BCO1: variants seen among roughly 807,000 people sequenced by gnomAD.
BCO1 encodes beta,beta-carotene 15,15'-dioxygenase.
A neutral mutation model predicts 56.3 loss-of-function variants in BCO1; 54 were observed. The observed-to-expected ratio is 0.96, with a 90% confidence interval of 0.77 to 1.20. The LOEUF is 1.20. BCO1 is among the 50% of genes most tolerant of loss of function. BCO1 has a pLI of 0.00. For missense variants in BCO1, 801 were observed against 690.9 expected (o/e 1.16, Z -1.79); for synonymous variants, 318 against 266.1 (o/e 1.20, Z -1.90).
At chr16:81,249,251 T>C (rs1286280202) in intron 2 of BCO1, among the ~76,000 whole-genome samples, 1 of 151,578 alleles carries the variant, frequency 6.6e-6, no homozygotes, top group East Asian at 1.9e-4. Flanking sequence ...CCACCACATC[T>C]GGCTAGTTTT....
chr16:81,246,260 G>A (rs74746588), intron 2 of BCO1, among the ~76,000 whole-genome samples: 4,906 of 151,922 alleles, frequency 0.032, 104 homozygotes, highest in African/African-American at 0.069. Flanking sequence ...TGATTACATT[G>A]AATCCACTCA....
intron 7 of BCO1, among the ~76,000 whole-genome samples, chr16:81,272,975 T>C (rs1179168004): frequency 6.6e-6 from 1 of 151,898 alleles, no homozygotes; most frequent in Non-Finnish European, 1.5e-5. Context: ...CCATTTTTTT[T>C]TTCTTTTTGT....
intron 5 of BCO1, among the ~76,000 whole-genome samples, chr16:81,267,327 T>C (rs928242800): frequency 4.6e-5 from 7 of 152,044 alleles, no homozygotes; most frequent in African/African-American, 1.7e-4. Context: ...AAACCCCTAA[T>C]TATGGCCGGG....
At chr16:81,250,745 T>TG (rs1185056697) in intron 2 of BCO1, among the ~76,000 whole-genome samples, 2 of 152,026 alleles carry the variant, frequency 1.3e-5, no homozygotes, top group African/African-American at 4.8e-5. Context: ...CATGCCCAGC[T>TG]AATTTTTGTA....
At chr16:81,280,494 C>T (rs1456048893) in intron 7 of BCO1, among the ~76,000 whole-genome samples, 1 of 152,076 alleles carries the variant, frequency 6.6e-6, no homozygotes, top group Admixed American at 6.6e-5. Context: ...TCTTTAGAAG[C>T]ATCCTTTTAA....
In BCO1 at chr16:81,238,796, G is replaced by A. The variant is rs1360466141; in HGVS notation, c.-113G>A. On this transcript the variant is annotated 5_prime_UTR_variant, in exon 1 of 11. Coordinates refer to ENST00000258168, the MANE Select transcript of BCO1 (RefSeq NM_017429.3). ...TCAGGAGAGACAGAGATGTGAAGGA[G>A]GGAAGGAGCAGGAGAGCAGGAAGGA... The A allele has an allele frequency of 3.3e-6, 3 of 916,374 alleles. No individual in the cohort carries two copies. The highest frequency in any genetic ancestry group is 3.3e-5 in the African/African-American group (2 of 61,184). 56.8% of individuals were successfully genotyped at this position (916,374 alleles called of 1,614,324 possible).
chr16:81,252,241 G>A (rs1905852612), intron 2 of BCO1, among the ~76,000 whole-genome samples: 1 of 151,776 alleles, frequency 6.6e-6, no homozygotes, highest in Non-Finnish European at 1.5e-5. Context: ...GTGTGTGGGT[G>A]TGTGTTTTTG....
intron 8 of BCO1, among the ~76,000 whole-genome samples, chr16:81,283,306 G>T (rs949093841): frequency 6.6e-6 from 1 of 151,796 alleles, no homozygotes; most frequent in African/African-American, 2.4e-5. Flanking sequence ...CAGGCGCAAT[G>T]GCAATTACAG....
chr16:81,259,879 G>T lies in BCO1; in HGVS notation c.323+74G>T. ...TTGATGGCTGAAATAACCAGCATTT[G>T]CTCCTCTGACAATTCTCTTTAGGGT... On this transcript the variant is annotated intron_variant, in intron 3 of 10. Transcript: ENST00000258168. The T allele has an allele frequency of 4.4e-6, 7 of 1,578,998 alleles. No homozygotes were observed. In the Admixed American group the frequency reaches 5.0e-5, roughly 11 times the overall value.
chr16:81,273,139 TTTTG>T (rs757080827), intron 7 of BCO1, among the ~76,000 whole-genome samples: 1 of 152,078 alleles, frequency 6.6e-6, no homozygotes, highest in African/African-American at 2.4e-5. Flanking sequence ...ACAGCTCATT[TTTTG>T]TTTGTTTGTT....
intron 3 of BCO1, 28 bp downstream of exon 3, chr16:81,259,833 ATT>A (rs1555555696): frequency 1.9e-6 from 3 of 1,613,866 alleles, no homozygotes; most frequent in Non-Finnish European, 2.5e-6. Context: ...ATCTGAGCAA[ATT>A]TCATGCTTTT....
chr16:81,279,007 T>G (rs1046263227), intron 7 of BCO1, among the ~76,000 whole-genome samples: 3 of 152,206 alleles, frequency 2.0e-5, no homozygotes, highest in Admixed American at 6.6e-5. Flanking sequence ...CCAGGTGTAC[T>G]GGCTCATGCT....
At chr16:81,240,133 A>C (rs571669513) in intron 1 of BCO1, among the ~76,000 whole-genome samples, 60 of 152,138 alleles carry the variant, frequency 3.9e-4, no homozygotes, top group Non-Finnish European at 6.5e-4. Context: ...TATAGCTATC[A>C]ATCTGTATAT....
intron 7 of BCO1, among the ~76,000 whole-genome samples, chr16:81,275,862 G>A (rs1312089565): frequency 3.3e-5 from 5 of 152,216 alleles, no homozygotes; most frequent in Non-Finnish European, 5.9e-5. Context: ...GGGCACCGTG[G>A]GCCTGTTTAC....
intron 2 of BCO1, among the ~76,000 whole-genome samples, chr16:81,255,287 C>T (rs559632713): frequency 4.5e-4 from 68 of 152,220 alleles, no homozygotes; most frequent in African/African-American, 1.6e-3. Flanking sequence ...TGCTGGCCTT[C>T]GACTCCAGAT....
At chr16:81,283,257 C>T (rs1907982966) in intron 8 of BCO1, among the ~76,000 whole-genome samples, 1 of 152,004 alleles carries the variant, frequency 6.6e-6, no homozygotes, top group Non-Finnish European at 1.5e-5. Flanking sequence ...AATCCCAGCA[C>T]TTTGGGAGGC....
intron 7 of BCO1, among the ~76,000 whole-genome samples, chr16:81,280,656 G>T (rs1223017574): frequency 1.3e-5 from 2 of 152,134 alleles, no homozygotes; most frequent in Non-Finnish European, 2.9e-5. Flanking sequence ...GACCTTGGAG[G>T]AGTCACCTTA....
chr16:81,270,692 C>CTGTGTGTGTGTGTG (rs58969930), intron 7 of BCO1, among the ~76,000 whole-genome samples: 28,032 of 143,274 alleles, frequency 0.2, 3,705 homozygotes, highest in Non-Finnish European at 0.29. Context: ...CTCTCTGTGT[C>CTGTGTGTGTGTGTG]TGTGTGTGTG....
intron 1 of BCO1, among the ~76,000 whole-genome samples, chr16:81,244,219 A>C (rs111850415): frequency 0.013 from 2,019 of 152,298 alleles, 44 homozygotes; most frequent in African/African-American, 0.046. Context: ...CACCAACAGC[A>C]TTTTCTGCAG....
Sources: allele counts gnomAD v4.1 joint callset (sites outside exome capture counted in the v4.1 genomes callset), GRCh38; gene constraint gnomAD v4.1.1; transcripts MANE v1.5; gene names NCBI Gene and HGNC (gene_info 2026-07-23, HGNC 2026-07-21).